Variants in TOX observed in about 807,000 individuals in gnomAD.
TOX encodes the protein thymocyte selection-associated high mobility group box protein TOX.
TOX carries 11 observed loss-of-function variants against 53.7 expected under a neutral mutation model. That is an observed-to-expected ratio of 0.20 (90% confidence interval 0.13 to 0.34). The LOEUF is 0.34. Among genes scored for constraint, TOX ranks in the 10% least tolerant of loss-of-function variants. TOX has a pLI of 1.00. For missense variants in TOX, 570 were observed against 664.6 expected (o/e 0.86, Z 1.56); for synonymous variants, 225 against 245.3 (o/e 0.92, Z 0.77).
rs534139283 is a variant in TOX, at chr8:58,815,530, C to T, written c.1200G>A (p.Pro400=). ...PSLPRNIAPK[P]NNQMPVTVSI... is the part of the protein sequence containing the mutation. ...AGACAGTCACTGGCATTTGGTTATTCGGCTTGGGGGCTATGTTCCTGGGGA... is the reference window on the plus strand; with the variant it reads ...AGACAGTCACTGGCATTTGGTTATTTGGCTTGGGGGCTATGTTCCTGGGGA... The change falls in exon 7 of 9, where the codon CCG becomes CCA. Residue 400 remains proline, a synonymous_variant. Coordinates refer to ENST00000361421, the MANE Select transcript of TOX (RefSeq NM_014729.3). The T allele has an allele frequency of 1.4e-5, 22 of 1,613,934 alleles. No individual in the cohort carries two copies. Among genetic ancestry groups the T allele is most frequent in the East Asian group, 4.5e-5 (2 of 44,838 alleles).
chr8:58,934,588 A>G (rs1812314297), intron 3 of TOX, among the ~76,000 whole-genome samples: 1 of 152,224 alleles, frequency 6.6e-6, no homozygotes, highest in South Asian at 2.1e-4. Flanking sequence ...GCCCAAAGAC[A>G]TCAATTTGAA....
intron 6 of TOX, among the ~76,000 whole-genome samples, chr8:58,823,422 C>T (rs1212090222): frequency 6.6e-6 from 1 of 152,066 alleles, no homozygotes; most frequent in Non-Finnish European, 1.5e-5. Flanking sequence ...CAGGGTTTCA[C>T]CATATTGGCC....
intron 6 of TOX, among the ~76,000 whole-genome samples, chr8:58,815,927 A>G (rs570911528): frequency 6.6e-6 from 1 of 152,290 alleles, no homozygotes; most frequent in South Asian, 2.1e-4. Flanking sequence ...GGAAATTGAA[A>G]ACAATCTGCA....
intron 1 of TOX, among the ~76,000 whole-genome samples, chr8:59,078,625 A>G (rs955240921): frequency 1.3e-5 from 2 of 152,162 alleles, no homozygotes; most frequent in African/African-American, 4.8e-5. Flanking sequence ...TTTTCTTTAT[A>G]AATTACTCAG....
At chr8:59,053,379 G>A (rs116656346) in intron 1 of TOX, among the ~76,000 whole-genome samples, 3,551 of 152,052 alleles carry the variant, frequency 0.023, 123 homozygotes, top group East Asian at 0.11. Flanking sequence ...CGTGTTCTAC[G>A]GCAACCTTGC....
At position 58,815,633 on chromosome 8, in the gene TOX, T is replaced by C; in HGVS notation, c.1097A>G (p.His366Arg). 2 of 1,614,020 alleles carry C rather than the reference T, an allele frequency of 1.2e-6. No homozygotes were observed. Among genetic ancestry groups the C allele is most frequent in the Non-Finnish European group, 1.7e-6 (2 of 1,179,980 alleles). Residue 366 changes from histidine (H) to arginine (R), a missense_variant, in exon 7 of 9, where the codon CAC becomes CGC. His to Arg is a conservative substitution (Grantham distance 29). Transcript: ENST00000361421. The stretch of plus-strand genomic sequence containing the variant: ...GTGGGAACTTAGGTACAGGGCCGAG[T>C]GGGCCTGGCTGGGCCCATGGAACAC... ...PSVFHGPSQA[H>R]SALYLSSHYH...
intron 1 of TOX, among the ~76,000 whole-genome samples, chr8:59,041,518 A>T (rs1384804051): frequency 2.6e-5 from 4 of 152,176 alleles, no homozygotes; most frequent in Non-Finnish European, 5.9e-5. Flanking sequence ...TCATTCATTC[A>T]TTCACTCATA....
intron 3 of TOX, among the ~76,000 whole-genome samples, chr8:58,884,860 A>C (rs1811440721): frequency 6.6e-6 from 1 of 152,174 alleles, no homozygotes. Context: ...ATTTGCATGC[A>C]TAATAATATG....
At chr8:58,819,731 A>G (rs1810242019) in intron 6 of TOX, among the ~76,000 whole-genome samples, 1 of 152,262 alleles carries the variant, frequency 6.6e-6, no homozygotes, top group Non-Finnish European at 1.5e-5. Context: ...TGCTATAAAA[A>G]TGAAAGATTG....
At chr8:58,989,494 T>C (rs1267901385) in intron 1 of TOX, among the ~76,000 whole-genome samples, 1 of 152,100 alleles carries the variant, frequency 6.6e-6, no homozygotes, top group African/African-American at 2.4e-5. Flanking sequence ...CAGTATTTGG[T>C]GTATTTTTTA....
intron 2 of TOX, among the ~76,000 whole-genome samples, chr8:58,943,627 A>C (rs143443145): frequency 0.018 from 2,794 of 151,660 alleles, 71 homozygotes; most frequent in African/African-American, 0.06. Flanking sequence ...AAAAAAAAAA[A>C]AAACAAACAA....
At chr8:58,875,137 G>A (rs1017331453) in intron 3 of TOX, among the ~76,000 whole-genome samples, 3 of 152,198 alleles carry the variant, frequency 2.0e-5, no homozygotes, top group East Asian at 1.9e-4. Flanking sequence ...TTGGACATAA[G>A]TACAAGACCT....
chr8:59,116,860 G>C (rs1440918583), intron 1 of TOX, among the ~76,000 whole-genome samples: 2 of 152,204 alleles, frequency 1.3e-5, no homozygotes, highest in African/African-American at 2.4e-5. Context: ...CAATGAGCTA[G>C]TAAAGAAATT....
intron 1 of TOX, among the ~76,000 whole-genome samples, chr8:59,021,925 C>G (rs1263002544): frequency 6.6e-6 from 1 of 152,072 alleles, no homozygotes; most frequent in Non-Finnish European, 1.5e-5. Flanking sequence ...AAAAATCACC[C>G]AAATCATCAT....
At chr8:58,940,336 T>TG (rs777990240) in intron 2 of TOX, among the ~76,000 whole-genome samples, 2 of 151,300 alleles carry the variant, frequency 1.3e-5, no homozygotes, top group Non-Finnish European at 2.9e-5. Flanking sequence ...TTAACATATG[T>TG]GGGTTTTTTT....
intron 3 of TOX, among the ~76,000 whole-genome samples, chr8:58,926,276 C>T (rs369381428): frequency 1.3e-5 from 2 of 152,130 alleles, no homozygotes; most frequent in East Asian, 3.9e-4. Flanking sequence ...ATGATGGCCT[C>T]ATGATCCTCT....
At chr8:58,871,973 A>G (rs561608585) in intron 3 of TOX, among the ~76,000 whole-genome samples, 30 of 152,266 alleles carry the variant, frequency 2.0e-4, no homozygotes, top group Middle Eastern at 3.4e-3. Context: ...TTAGTTTCTG[A>G]TACCATTCTC....
rs543841792 is a variant in TOX at position 58,996,219 on chromosome 8, C to T, written c.103-36211G>A. Among the ~76,000 whole-genome samples the T allele has an allele frequency of 9.8e-5, 15 of 152,298 alleles. No individual in the cohort carries two copies. The South Asian group carries it at 2.9e-3, about 29-fold the overall frequency. On this transcript the variant is annotated intron_variant, in intron 1 of 8. Coordinates refer to ENST00000361421, the MANE Select transcript of TOX (RefSeq NM_014729.3). Reference sequence around the variant, plus strand: ...TATACATGTATTGTTTAATTAGTCTCCACAAGGAAGACTTCACAATGTTTT... The same window carrying T: ...TATACATGTATTGTTTAATTAGTCTTCACAAGGAAGACTTCACAATGTTTT...
chr8:58,963,206 AGCTT>A (rs1296028838), intron 1 of TOX, among the ~76,000 whole-genome samples: 1 of 152,144 alleles, frequency 6.6e-6, no homozygotes, highest in Non-Finnish European at 1.5e-5. Flanking sequence ...CTGGCTCTCC[AGCTT>A]GCTAACTGCA....
Sources: gnomAD v4.1 joint callset for allele counts (sites outside exome capture counted in the v4.1 genomes callset) on GRCh38, gnomAD v4.1.1 for gene constraint, MANE v1.5 for transcripts, NCBI Gene and HGNC (gene_info 2026-07-23, HGNC 2026-07-21) for gene names.